KIDINS220: variants seen among roughly 807,000 people sequenced by gnomAD.
The protein encoded by KIDINS220 is kinase D-interacting substrate of 220 kDa.
A neutral mutation model predicts 157.6 loss-of-function variants in KIDINS220; 63 were observed. The ratio of observed to expected loss-of-function variants is 0.40; its 90% CI spans 0.33 to 0.49. KIDINS220 has a LOEUF of 0.49. Ranked by LOEUF, KIDINS220 falls within the 20% of genes least tolerant of loss-of-function variation. KIDINS220 has a pLI of 0.66. For synonymous variants in KIDINS220, 732 were observed against 783.6 expected (o/e 0.93, Z 1.10); for missense variants, 1,772 against 2,171.2 (o/e 0.82, Z 3.65).
intron 7 of KIDINS220, among the ~76,000 whole-genome samples, chr2:8,805,691 A>G (rs1221900090): frequency 6.6e-6 from 1 of 152,216 alleles, no homozygotes; most frequent in Non-Finnish European, 1.5e-5. Context: ...ATTTTGATTA[A>G]TGACAGATGG....
intron 26 of KIDINS220, among the ~76,000 whole-genome samples, chr2:8,742,324 C>T (rs1214170155): frequency 6.6e-6 from 1 of 150,674 alleles, no homozygotes; most frequent in African/African-American, 2.5e-5. Context: ...TGGTCTTGAA[C>T]TTGTGGGCTC....
At chr2:8,783,040 A>T (rs1352710707) in intron 17 of KIDINS220, among the ~76,000 whole-genome samples, 1 of 152,116 alleles carries the variant, frequency 6.6e-6, no homozygotes, top group Non-Finnish European at 1.5e-5. Flanking sequence ...TCTACTAAAA[A>T]TACAAAATTA....
At chr2:8,726,399 G>T (rs1002206310), downstream of KIDINS220, among the ~76,000 whole-genome samples, 1 of 152,228 alleles carries the variant, frequency 6.6e-6, no homozygotes, top group Non-Finnish European at 1.5e-5. Context: ...AAAAGGTTTT[G>T]ACCAGGTCGG....
intron 2 of KIDINS220, among the ~76,000 whole-genome samples, chr2:8,822,154 A>C (rs1472720015): frequency 6.6e-6 from 1 of 152,154 alleles, no homozygotes; most frequent in Non-Finnish European, 1.5e-5. Flanking sequence ...ACTACTATTT[A>C]AGCATCTTTT....
At chr2:8,750,004 TGCTAAAG>T in intron 24 of KIDINS220, 101 bp downstream of exon 24, 1 of 849,600 alleles carries the variant, frequency 1.2e-6, no homozygotes, top group Non-Finnish European at 1.8e-6. Flanking sequence ...ATTTTTCCTA[TGCTAAAG>T]CCAAAGTACA....
chr2:8,730,998 G>A lies in KIDINS220; in HGVS notation c.5038C>T (p.Pro1680Ser), dbSNP rs1663997465. The A allele has an allele frequency of 6.2e-7, 1 of 1,614,086 alleles. No homozygotes were observed. Among genetic ancestry groups the A allele is most frequent in the African/African-American group, 1.3e-5 (1 of 74,928 alleles). Residue 1680 changes from proline (P) to serine (S), a missense_variant, in exon 30 of 30, where the codon CCC becomes TCC. Pro to Ser is a moderately conservative substitution (Grantham distance 74). This residue lies in a region of KIDINS220 where 793 missense variants were observed against 885.5 expected (regional missense o/e 0.90). Coordinates refer to ENST00000256707, the MANE Select transcript of KIDINS220 (RefSeq NM_020738.4). ...TTGTTGTTCAGAGTCACGGTGCTGG[G>A]AGTTCGGTTCAGGTTGTAGGCTTTC... ...CQKAYNLNRT[P>S]STVTLNNNSA...
intron 22 of KIDINS220, among the ~76,000 whole-genome samples, chr2:8,754,350 A>T (rs995894519): frequency 2.6e-5 from 4 of 152,220 alleles, no homozygotes; most frequent in African/African-American, 9.7e-5. Flanking sequence ...ATTTATGTAA[A>T]TGATAATCTT....
At position 8,765,062 on chromosome 2, in the gene KIDINS220, T is replaced by A. The variant is rs116597882; in HGVS notation, c.3011+5608A>T. Among the ~76,000 whole-genome samples, 1,010 of 152,148 alleles carry A rather than the reference T, an allele frequency of 6.6e-3. 18 individuals carry two copies. The highest frequency in any genetic ancestry group is 0.023 in the African/African-American group (957 of 41,482). ...CAAAAGGCTTCCTAAGGCAGTAATA[T>A]TTAAGATGAGACCAGAAGAAGGAGG... On this transcript the variant is annotated intron_variant, in intron 22 of 29. Transcript: ENST00000256707.
At chr2:8,798,381 G>T (rs1323244439) in intron 9 of KIDINS220, 81 bp from the exon 10 acceptor site, 3 of 778,374 alleles carry the variant, frequency 3.9e-6, no homozygotes, top group Non-Finnish European at 4.4e-6. Flanking sequence ...AAACATTTCT[G>T]TCAGAAAGCA....
At chr2:8,811,441 A>G (rs72786361) in intron 6 of KIDINS220, among the ~76,000 whole-genome samples, 1,938 of 152,344 alleles carry the variant, frequency 0.013, 28 homozygotes, top group Non-Finnish European at 0.017. Flanking sequence ...ACCTAGGGTA[A>G]GGAGACTTAA....
In KIDINS220 at chr2:8,793,903, G is replaced by A. The variant is rs763970461; in HGVS notation, c.1183C>T (p.Arg395Ter). The change falls in exon 12 of 30, where the codon CGA (arginine) becomes TGA (stop). Residue 395 changes from arginine to a stop codon, truncating the protein, a stop_gained. Transcript: ENST00000256707. LOFTEE classifies it high-confidence loss of function. ...GCTTTGTTGGGCCTATAAAGTAATC[G>A]CCCATCTTTGGGATTTCTTAAAAGC... The part of the protein sequence containing the change: ...ELLLRNPKDG[R>*]LLYRPNKAGE... The A allele has an allele frequency of 1.2e-6, 2 of 1,613,932 alleles. No individual in the cohort carries two copies. The highest frequency in any genetic ancestry group is 1.7e-5 in the Admixed American group (1 of 59,998).
chr2:8,751,505 T>C lies in KIDINS220; in HGVS notation c.3151A>G (p.Thr1051Ala), dbSNP rs374898741. Reference sequence around the variant, plus strand: ...CGTAGTTTGGGATCTAGGTTTACAGTGCATGGCAAAAAGACTTTTACATCT... The same window carrying C: ...CGTAGTTTGGGATCTAGGTTTACAGCGCATGGCAAAAAGACTTTTACATCT... ...ARDVKVFLPCTVNLDPKLREI... is the reference protein window; with the variant it reads ...ARDVKVFLPCAVNLDPKLREI... The change falls in exon 23 of 30, where the codon ACT becomes GCT. Residue 1051 changes from threonine to alanine, a missense_variant. Transcript: ENST00000256707. The C allele has an allele frequency of 1.2e-6, 2 of 1,613,444 alleles. No homozygotes were observed. The highest frequency in any genetic ancestry group is 4.5e-5 in the East Asian group (2 of 44,850).
chr2:8,835,017 C>T (rs757784886), intron 1 of KIDINS220, among the ~76,000 whole-genome samples: 9 of 151,982 alleles, frequency 5.9e-5, no homozygotes, highest in Admixed American at 1.3e-4. Flanking sequence ...TCATTGTTTA[C>T]ATTTTTAATT....
At position 8,731,801 on chromosome 2, in the gene KIDINS220, G is replaced by A. The variant is rs758865736; in HGVS notation, c.4235C>T (p.Pro1412Leu). 1.2e-6 allele frequency: 2 copies of A among 1,614,100 alleles called. No homozygotes were observed. Among genetic ancestry groups the A allele is most frequent in the Non-Finnish European group, 1.7e-6 (2 of 1,180,010 alleles). Residue 1412 changes from proline (P) to leucine (L), a missense_variant, in exon 30 of 30, where the codon CCA becomes CTA. By Grantham distance (98) the Pro-to-Leu change is moderately conservative. This residue lies in a region of KIDINS220 where 793 missense variants were observed against 885.5 expected (regional missense o/e 0.90). Transcript: ENST00000256707. This position sits in a 1 kb window ranked among gnomAD's most constrained non-coding sequence, Gnocchi z 5.2. ...CTGACCCATGTAATATGTGCTATGT[G>A]GAGAAGATCTGCCACTAATGGTTGT... ...GSTTISGRSSPHSTYYMGQSS... is the reference protein window; with the variant it reads ...GSTTISGRSSLHSTYYMGQSS...
At chr2:8,768,246 TA>T (rs201257787) in intron 22 of KIDINS220, among the ~76,000 whole-genome samples, 4,265 of 141,476 alleles carry the variant, frequency 0.03, 99 homozygotes, top group African/African-American at 0.06. Flanking sequence ...AAATGTATGT[TA>T]AAAAAAAAAA....
chr2:8,736,762 A>G (rs1664916170), intron 27 of KIDINS220, 106 bp downstream of exon 27: 5 of 1,183,202 alleles, frequency 4.2e-6, no homozygotes, highest in Non-Finnish European at 5.8e-6. Context: ...CCATTTTAAC[A>G]GGGAATGCAT....
chr2:8,757,699 G>A (rs1668196364), intron 22 of KIDINS220: 1 of 1,612,462 alleles, frequency 6.2e-7, no homozygotes, highest in East Asian at 2.2e-5. Flanking sequence ...CATTAAAATG[G>A]CTTTTCTCAG....
intron 9 of KIDINS220, 129 bp from the exon 10 acceptor site, chr2:8,798,429 T>G: frequency 1.7e-6 from 1 of 592,090 alleles, no homozygotes; most frequent in Non-Finnish European, 3.0e-6. Context: ...CTATTAATCC[T>G]TATGCTATCT....
At position 8,770,749 on chromosome 2, in the gene KIDINS220, G is replaced by T. The variant is rs759694870; in HGVS notation, c.2932C>A (p.Arg978=). ...AAATATAATATGAGCCATGAAGTCCGGTATGGCCACTGCTCAGTAAGGTTG... is the reference window on the plus strand; with the variant it reads ...AAATATAATATGAGCCATGAAGTCCTGTATGGCCACTGCTCAGTAAGGTTG... The part of the protein sequence containing the change: ...WINLTEQWPY[R]TSWLILYLEE... The change falls in exon 22 of 30, where the codon CGG becomes AGG. Residue 978 remains arginine, a synonymous_variant. Transcript: ENST00000256707. 27 of 1,610,636 alleles carry T rather than the reference G, an allele frequency of 1.7e-5. No homozygotes were observed. Among genetic ancestry groups the T allele is most frequent in the African/African-American group, 6.7e-5 (5 of 74,766 alleles).
Sources: allele counts gnomAD v4.1 joint callset (sites outside exome capture counted in the v4.1 genomes callset), GRCh38; gene constraint gnomAD v4.1.1; regional missense constraint gnomAD v4.1.1; non-coding constraint Gnocchi (gnomAD v3.1); transcripts MANE v1.5; gene names NCBI Gene and HGNC (gene_info 2026-07-23, HGNC 2026-07-21).